RBPJ: variants seen among roughly 807,000 people sequenced by gnomAD.
RBPJ encodes recombination signal binding protein for immunoglobulin kappa J region.
Under a neutral mutation model 67.8 loss-of-function variants are expected in RBPJ, and 9 were observed. The observed-to-expected ratio is 0.13, with a 90% confidence interval of 0.08 to 0.23. The LOEUF is 0.23. Ranked by LOEUF, RBPJ falls within the 10% of genes least tolerant of loss-of-function variation. RBPJ has a pLI of 1.00. For synonymous variants in RBPJ, 198 were observed against 203.3 expected (o/e 0.97, Z 0.22); for missense variants, 305 against 595.6 (o/e 0.51, Z 5.08).
chr4:26,305,368 G>A (rs1449854368), intron 1 of RBPJ, among the ~76,000 whole-genome samples: 1 of 152,168 alleles, frequency 6.6e-6, no homozygotes, highest in Non-Finnish European at 1.5e-5. Context: ...GTGGCCAACT[G>A]GGATTTTGAT....
the RBPJ span, among the ~76,000 whole-genome samples, chr4:26,136,710 T>A: frequency 1.3e-5 from 2 of 152,230 alleles, no homozygotes; most frequent in Non-Finnish European, 2.9e-5. Flanking sequence ...TTGGGAACTT[T>A]TTTTTAAAAC....
intron 3 of RBPJ, chr4:26,410,441 G>A (rs1733907052): frequency 6.6e-6 from 1 of 152,650 alleles, no homozygotes; most frequent in African/African-American, 2.4e-5. Flanking sequence ...TTCTCATTAA[G>A]TAAGATCTTA....
intron 1 of RBPJ, among the ~76,000 whole-genome samples, chr4:26,347,008 A>T: frequency 6.6e-6 from 1 of 152,228 alleles, no homozygotes; most frequent in East Asian, 1.9e-4. Context: ...AAAATAAAAA[A>T]TAAAAATAAA....
intron 1 of RBPJ, among the ~76,000 whole-genome samples, chr4:26,363,158 GA>G (rs1402564881): frequency 6.6e-6 from 1 of 151,888 alleles, no homozygotes; most frequent in Non-Finnish European, 1.5e-5. Context: ...ATTTCTTTTT[GA>G]GATGGAGTCT....
At chr4:26,162,301 T>C (rs1409139848), upstream of RBPJ, among the ~76,000 whole-genome samples, 1 of 152,204 alleles carries the variant, frequency 6.6e-6, no homozygotes, top group Admixed American at 6.5e-5. Context: ...TGTGGGACTT[T>C]CCATGCTAAT....
intron 1 of RBPJ, among the ~76,000 whole-genome samples, chr4:26,365,553 C>A (rs961825226): frequency 6.6e-6 from 1 of 152,158 alleles, no homozygotes. Flanking sequence ...GAATGTATTT[C>A]TTGAAACTTC....
chr4:26,249,924 T>C (rs536908713), intron 1 of RBPJ, among the ~76,000 whole-genome samples: 216 of 151,660 alleles, frequency 1.4e-3, no homozygotes, highest in Non-Finnish European at 2.1e-3. Flanking sequence ...TAGCTGGGAT[T>C]ACAGGCATCT....
chr4:26,119,394 A>G, the RBPJ span, among the ~76,000 whole-genome samples: 1 of 152,160 alleles, frequency 6.6e-6, no homozygotes, highest in Non-Finnish European at 1.5e-5. Flanking sequence ...GACTCTTCCA[A>G]TGCCAACCCA....
chr4:26,420,170 A>G, intron 4 of RBPJ, among the ~76,000 whole-genome samples: 1 of 149,846 alleles, frequency 6.7e-6, no homozygotes, highest in East Asian at 1.9e-4. Context: ...CTTTATTATT[A>G]TTTTTTTTTT....
chr4:26,147,102 AT>A, the RBPJ span, among the ~76,000 whole-genome samples: 3 of 152,238 alleles, frequency 2.0e-5, no homozygotes, highest in African/African-American at 4.8e-5. Flanking sequence ...CTCAAGCGTG[AT>A]TGAATCAGAC....
At chr4:26,415,752 T>A in intron 4 of RBPJ, 112 bp downstream of exon 4, 2 of 1,041,672 alleles carry the variant, frequency 1.9e-6, no homozygotes, top group Non-Finnish European at 2.8e-6. Flanking sequence ...TGGTAACAAT[T>A]TCTTGAATAT....
At chr4:26,337,064 C>T (rs1404263006) in intron 1 of RBPJ, among the ~76,000 whole-genome samples, 5 of 152,076 alleles carry the variant, frequency 3.3e-5, no homozygotes, top group African/African-American at 7.2e-5. Flanking sequence ...CGGGTTCAAG[C>T]GATTCTCCCG....
intron 1 of RBPJ, among the ~76,000 whole-genome samples, chr4:26,206,156 T>C (rs1403264402): frequency 6.6e-6 from 1 of 152,172 alleles, no homozygotes; most frequent in Non-Finnish European, 1.5e-5. Context: ...CTCCCCAAAA[T>C]GAAAAGATTT....
At chr4:26,419,477 GCTGT>G (rs796787470) in intron 4 of RBPJ, among the ~76,000 whole-genome samples, 3 of 152,242 alleles carry the variant, frequency 2.0e-5, no homozygotes, top group South Asian at 2.1e-4. Flanking sequence ...TGCTACCGAG[GCTGT>G]CTGTGAATAA....
upstream of RBPJ, among the ~76,000 whole-genome samples, chr4:26,316,615 GATAT>G (rs1221658315): frequency 2.3e-5 from 3 of 129,490 alleles, no homozygotes; most frequent in African/African-American, 8.8e-5. Context: ...TACACATATT[GATAT>G]ATATATACAC....
intron 1 of RBPJ, among the ~76,000 whole-genome samples, chr4:26,323,892 C>T (rs1723347342): frequency 6.6e-6 from 1 of 152,084 alleles, no homozygotes; most frequent in Admixed American, 6.5e-5. Context: ...AAATAAGACC[C>T]AGGACTTGGC....
the RBPJ span, among the ~76,000 whole-genome samples, chr4:26,148,672 G>C: frequency 9.8e-3 from 1,489 of 152,330 alleles, 27 homozygotes; most frequent in African/African-American, 0.034. Flanking sequence ...TAGCAAAAAA[G>C]CAGTGCTATT....
chr4:26,184,201 GA>G lies in RBPJ; in HGVS notation c.-167+20595del, dbSNP rs71184291. On this transcript the variant is annotated intron_variant, in intron 1 of 4. Transcript: ENST00000512351. The stretch of plus-strand genomic sequence containing the variant: ...CATCTCAAAAAAAAAAAAAAAGAAA[GA>G]AAAAAAATGTATCCAAACACTTGTT... Among the ~76,000 whole-genome samples, 919 of 146,372 alleles carry G rather than the reference GA, an allele frequency of 6.3e-3. 19 individuals carry two copies. The highest frequency in any genetic ancestry group is 0.022 in the African/African-American group (859 of 38,910).
chr4:26,386,170 A>T (rs765585213), intron 1 of RBPJ, among the ~76,000 whole-genome samples, 183 bp from the exon 2 acceptor site: 5 of 152,094 alleles, frequency 3.3e-5, no homozygotes, highest in African/African-American at 4.8e-5. Context: ...TGTTGTTTGC[A>T]TGTTTAAATG....
Sources: gnomAD v4.1 joint callset for allele counts (sites outside exome capture counted in the v4.1 genomes callset) on GRCh38, gnomAD v4.1.1 for gene constraint, MANE v1.5 for transcripts, NCBI Gene and HGNC (gene_info 2026-07-23, HGNC 2026-07-21) for gene names.